Variants in PTPRJ observed in about 807,000 individuals in gnomAD.
PTPRJ encodes protein tyrosine phosphatase receptor type J, also known as receptor-type tyrosine-protein phosphatase eta.
Under a neutral mutation model 141.3 loss-of-function variants are expected in PTPRJ, and 129 were observed. The observed-to-expected ratio is 0.91, with a 90% CI of 0.79 to 1.06. The LOEUF is 1.06. PTPRJ is among the 50% of genes least tolerant of loss of function. The pLI, the probability that PTPRJ is intolerant of heterozygous loss-of-function variation, is 0.00. For synonymous variants in PTPRJ, 610 were observed against 640.5 expected, an observed-to-expected ratio of 0.95 and a Z score of 0.72; for missense variants, 1,601 against 1,679.7, an observed-to-expected ratio of 0.95 and a Z score of 0.82.
intron 2 of PTPRJ, among the ~76,000 whole-genome samples, chr11:48,112,245 G>T (rs1267261587): frequency 6.6e-6 from 1 of 152,220 alleles, no homozygotes; most frequent in Non-Finnish European, 1.5e-5. Context: ...GCAACATCTA[G>T]CTGCATGGGA....
At chr11:48,163,741 A>G (rs1857843013) in intron 23 of PTPRJ, 123 bp downstream of exon 23, 3 of 1,194,938 alleles carry the variant, frequency 2.5e-6, no homozygotes, top group Non-Finnish European at 3.5e-6. Flanking sequence ...AAAGGTTTGG[A>G]TAAGGAACCA....
chr11:47,992,941 G>A (rs1854235100), intron 1 of PTPRJ, among the ~76,000 whole-genome samples: 1 of 152,182 alleles, frequency 6.6e-6, no homozygotes, highest in Admixed American at 6.6e-5. Flanking sequence ...GGAAGTCACT[G>A]TTCCAGGGAA....
chr11:48,093,109 A>G (rs1855913436), intron 1 of PTPRJ, among the ~76,000 whole-genome samples: 1 of 152,230 alleles, frequency 6.6e-6, no homozygotes, highest in African/African-American at 2.4e-5. Flanking sequence ...GTTTTTATAC[A>G]TAGCTGGATT....
Position 48,158,773 on chromosome 11 carries a change from G to T in PTPRJ, c.3439-1157G>T, listed in dbSNP as rs1857674873. On this transcript the variant is annotated intron_variant, in intron 21 of 24. Coordinates refer to ENST00000418331, the MANE Select transcript of PTPRJ (RefSeq NM_002843.4). This position sits in a 1 kb window ranked among gnomAD's most constrained non-coding sequence, Gnocchi z 4.4. Reference sequence around the variant, plus strand: ...GTTCAAGAACAGCCTGGGCAACATAGTGAGACCCCCATCTCTACAAAAATA... The same window carrying T: ...GTTCAAGAACAGCCTGGGCAACATATTGAGACCCCCATCTCTACAAAAATA... Among the ~76,000 whole-genome samples the T allele has an allele frequency of 6.6e-6, 1 of 151,544 alleles. No homozygotes were observed. Among genetic ancestry groups the T allele is most frequent in the Non-Finnish European group, 1.5e-5 (1 of 67,688 alleles).
intron 1 of PTPRJ, among the ~76,000 whole-genome samples, chr11:47,992,549 A>G (rs938741324): frequency 1.3e-5 from 2 of 152,220 alleles, no homozygotes; most frequent in Non-Finnish European, 2.9e-5. Context: ...TGGTTCACAC[A>G]TAATTATTAG....
At chr11:47,993,750 A>G (rs1322880334) in intron 1 of PTPRJ, among the ~76,000 whole-genome samples, 2 of 152,024 alleles carry the variant, frequency 1.3e-5, no homozygotes, top group Non-Finnish European at 1.5e-5. Context: ...CATGGGCCTG[A>G]ATGAACCTTC....
intron 1 of PTPRJ, among the ~76,000 whole-genome samples, chr11:48,052,299 C>G (rs1590442381): frequency 6.6e-6 from 1 of 152,226 alleles, no homozygotes; most frequent in African/African-American, 2.4e-5. Context: ...GGATGCTTTT[C>G]AGGCTCTTGA....
intron 1 of PTPRJ, among the ~76,000 whole-genome samples, chr11:48,039,352 A>AAG (rs1555033836): frequency 6.6e-6 from 1 of 151,790 alleles, no homozygotes; most frequent in African/African-American, 2.4e-5. Flanking sequence ...AAAAAAAACA[A>AAG]CAAACTGCCT....
intron 1 of PTPRJ, among the ~76,000 whole-genome samples, chr11:48,094,141 C>G (rs1029804685): frequency 2.0e-5 from 3 of 152,216 alleles, no homozygotes; most frequent in Admixed American, 1.3e-4. Flanking sequence ...GTGTCTGAAA[C>G]TTGGCAGGAT....
rs564705317 is a variant in PTPRJ, at chr11:48,137,232, A to G, written c.2103A>G (p.Val701=). 1.9e-6 allele frequency: 3 copies of G among 1,613,880 alleles called. No homozygotes were observed. Among genetic ancestry groups the G allele is most frequent in the African/African-American group, 2.7e-5 (2 of 74,910 alleles). Residue 701 remains valine (V), a synonymous_variant, in exon 10 of 25, where the codon GTA becomes GTG. Transcript: ENST00000418331. ...SSYTVEIFAQ[V]GDGIKSLEPG... is the part of the protein sequence containing the mutation. Reference sequence around the variant, plus strand: ...ACACAGTGGAGATCTTTGCACAAGTAGGGGATGGGATCAAGTCACTGGAAC... The same window carrying G: ...ACACAGTGGAGATCTTTGCACAAGTGGGGGATGGGATCAAGTCACTGGAAC...
At chr11:48,021,167 A>G (rs879649755) in intron 1 of PTPRJ, among the ~76,000 whole-genome samples, 2 of 152,076 alleles carry the variant, frequency 1.3e-5, no homozygotes, top group Non-Finnish European at 2.9e-5. Context: ...TGAGGTCAGG[A>G]GTTTGAGACC....
At chr11:48,045,624 A>G (rs1313540291) in intron 1 of PTPRJ, among the ~76,000 whole-genome samples, 1 of 152,068 alleles carries the variant, frequency 6.6e-6, no homozygotes, top group Non-Finnish European at 1.5e-5. Flanking sequence ...TGAGCCCCTC[A>G]TGGCTATCTG....
chr11:48,117,540 CAAA>C (rs71045545), intron 3 of PTPRJ, among the ~76,000 whole-genome samples: 16 of 19,680 alleles, frequency 8.1e-4, no homozygotes, highest in African/African-American at 2.7e-3. Flanking sequence ...GATTCTGTCT[CAAA>C]AAAAAAAAAA....
Position 48,137,218 on chromosome 11 carries a change from A to G in PTPRJ, c.2089A>G (p.Ile697Val). Residue 697 changes from isoleucine to valine, a missense_variant, in exon 10 of 25, where the codon ATC becomes GTC. Transcript: ENST00000418331. ...ACCTGGCTCATCATACACAGTGGAGATCTTTGCACAAGTAGGGGATGGGAT... is the reference window on the plus strand; with the variant it reads ...ACCTGGCTCATCATACACAGTGGAGGTCTTTGCACAAGTAGGGGATGGGAT... ...LIPGSSYTVE[I>V]FAQVGDGIKS... 1.2e-6 allele frequency: 2 copies of G among 1,614,118 alleles called. No homozygotes were observed. The highest frequency in any genetic ancestry group is 1.7e-6 in the Non-Finnish European group (2 of 1,179,978).
rs556251849 is a variant in PTPRJ, at chr11:48,123,468, T to A, written c.617-145T>A. On this transcript the variant is annotated intron_variant, in intron 4 of 24. Coordinates refer to ENST00000418331, the MANE Select transcript of PTPRJ (RefSeq NM_002843.4). ...TCTGATAGAAAGGAAGTATTTTTAGTGAGTCACATTGGGACATCAGTGACC... is the reference window on the plus strand; with the variant it reads ...TCTGATAGAAAGGAAGTATTTTTAGAGAGTCACATTGGGACATCAGTGACC... 160 of 766,408 alleles carry A rather than the reference T, an allele frequency of 2.1e-4. 2 individuals carry two copies. The highest frequency in any genetic ancestry group is 2.1e-4 in the Non-Finnish European group (103 of 493,354). 47.5% of individuals were successfully genotyped at this position (766,408 alleles called of 1,614,324 possible).
chr11:48,164,084 T>G (rs555337606), intron 23 of PTPRJ, among the ~76,000 whole-genome samples: 1 of 152,246 alleles, frequency 6.6e-6, no homozygotes, highest in East Asian at 1.9e-4. Context: ...ATGGCTAAAA[T>G]GTGCCGCCAT....
At chr11:48,159,789 C>A (rs554132728) in intron 21 of PTPRJ, 141 bp from the exon 22 acceptor site, 3 of 1,027,384 alleles carry the variant, frequency 2.9e-6, no homozygotes, top group African/African-American at 3.3e-5. Flanking sequence ...TAAAAAAATT[C>A]GAAGGGTCAA....
intron 1 of PTPRJ, among the ~76,000 whole-genome samples, chr11:48,056,226 C>G (rs1487882455): frequency 2.0e-5 from 3 of 152,150 alleles, no homozygotes; most frequent in African/African-American, 4.8e-5. Flanking sequence ...AGAAGTTAGA[C>G]GCACACATAA....
Position 48,155,966 on chromosome 11 carries a change from T to C in PTPRJ, c.3304-19T>C, listed in dbSNP as rs1269629764. 1 of 1,607,784 alleles carries C rather than the reference T, an allele frequency of 6.2e-7. No homozygotes were observed. Among genetic ancestry groups the C allele is most frequent in the Non-Finnish European group, 8.5e-7 (1 of 1,174,474 alleles). On this transcript the variant is annotated intron_variant, in intron 20 of 24. Transcript: ENST00000418331. The stretch of plus-strand genomic sequence containing the variant: ...TTCTGTTTCTTTGAGGTTGACTATG[T>C]GCTGTTTCCCATTTTTAGGGCTACC...
Sources: allele counts gnomAD v4.1 joint callset (sites outside exome capture counted in the v4.1 genomes callset), GRCh38; gene constraint gnomAD v4.1.1; non-coding constraint Gnocchi (gnomAD v3.1); transcripts MANE v1.5; gene names NCBI Gene and HGNC (gene_info 2026-07-23, HGNC 2026-07-21).